TSPAN8: variants seen among roughly 807,000 people sequenced by gnomAD.
TSPAN8 encodes the protein tetraspanin 8.
A neutral mutation model predicts 32.8 loss-of-function variants in TSPAN8; 21 were observed. That is an observed-to-expected ratio of 0.64 (90% CI 0.45 to 0.92). The LOEUF (loss-of-function observed/expected upper bound fraction) is 0.92. Ranked by LOEUF, TSPAN8 falls within the 40% of genes least tolerant of loss-of-function variation. The pLI is 0.00. For synonymous variants in TSPAN8, 95 were observed against 94.6 expected (o/e 1.00, Z -0.03); for missense variants, 269 against 281.9 (o/e 0.95, Z 0.33).
intron 3 of TSPAN8, 31 bp downstream of exon 3, chr12:71,144,120 G>C: frequency 6.3e-7 from 1 of 1,589,768 alleles, no homozygotes. Context: ...AACTACATTG[G>C]GGAAAGGGTG....
Position 71,138,102 on chromosome 12 carries a change from T to G in TSPAN8, c.337-42A>C, listed in dbSNP as rs115705069. 2,110 of 1,611,136 alleles carry G rather than the reference T, an allele frequency of 1.3e-3. 22 individuals carry two copies. In the African/African-American group the frequency reaches 0.022, roughly 17 times the overall value. On this transcript the variant is annotated intron_variant, in intron 5 of 8. Transcript: ENST00000247829. ...ATTTTACATTATTCACGCCACAAGG[T>G]AGTATTTCAATTTTTCAAACTTCTT...
At chr12:71,128,904 T>C (rs1055688487) in intron 8 of TSPAN8, among the ~76,000 whole-genome samples, 1 of 152,150 alleles carries the variant, frequency 6.6e-6, no homozygotes, top group Non-Finnish European at 1.5e-5. Context: ...TTGAGTTCAG[T>C]TTTTATTTTC....
intron 2 of TSPAN8, among the ~76,000 whole-genome samples, 165 bp from the exon 3 acceptor site, chr12:71,144,378 G>A (rs755965066): frequency 3.3e-5 from 5 of 152,152 alleles, no homozygotes; most frequent in African/African-American, 1.2e-4. Flanking sequence ...TTGTTGAAAT[G>A]TTAAATTGCA....
chr12:71,135,646 A>G (rs1028934153), intron 6 of TSPAN8, among the ~76,000 whole-genome samples: 2 of 152,196 alleles, frequency 1.3e-5, no homozygotes, highest in African/African-American at 4.8e-5. Flanking sequence ...TCTTTACAAG[A>G]GCAAGAGCAC....
chr12:71,155,800 C>T (rs1416093144), intron 2 of TSPAN8, among the ~76,000 whole-genome samples: 9 of 151,594 alleles, frequency 5.9e-5, no homozygotes, highest in East Asian at 1.9e-4. Context: ...GGTGCGAGCT[C>T]GGCTCACTGC....
rs756902822 is a variant in TSPAN8, at chr12:71,139,840, A to T, written c.132T>A (p.Gly44=). ...AGGAGCTAGAGCCTACATCTTCAGAACCAAAAATCTGAAGTAAAAAAGAGA... is the reference window on the plus strand; with the variant it reads ...AGGAGCTAGAGCCTACATCTTCAGATCCAAAAATCTGAAGTAAAAAAGAGA... ...RVSNDSQAIF[G]SEDVGSSSYV... The change falls in exon 4 of 9, where the codon GGT becomes GGA. Residue 44 remains glycine (G), a synonymous_variant. Coordinates refer to ENST00000247829, the MANE Select transcript of TSPAN8 (RefSeq NM_004616.3). The T allele has an allele frequency of 6.2e-7, 1 of 1,603,890 alleles. No individual in the cohort carries two copies. Among genetic ancestry groups the T allele is most frequent in the Admixed American group, 1.7e-5 (1 of 57,248 alleles).
At chr12:71,149,229 G>A (rs972733275) in intron 2 of TSPAN8, among the ~76,000 whole-genome samples, 1 of 152,048 alleles carries the variant, frequency 6.6e-6, no homozygotes, top group South Asian at 2.1e-4. Context: ...TTAGCCGAGT[G>A]TGGTGGCACG....
intron 4 of TSPAN8, among the ~76,000 whole-genome samples, chr12:71,139,455 A>G (rs1319810602): frequency 6.6e-6 from 1 of 152,254 alleles, no homozygotes; most frequent in Non-Finnish European, 1.5e-5. Context: ...ACATAGAGGT[A>G]TGGCAGTAAT....
intron 7 of TSPAN8, among the ~76,000 whole-genome samples, chr12:71,131,867 A>G (rs1378223195): frequency 6.6e-6 from 1 of 151,818 alleles, no homozygotes; most frequent in Non-Finnish European, 1.5e-5. Flanking sequence ...TCTATCCAAG[A>G]GATACTAGTA....
At chr12:71,139,872 G>A in intron 3 of TSPAN8, 24 bp from the exon 4 acceptor site, 2 of 1,567,850 alleles carry the variant, frequency 1.3e-6, no homozygotes, top group South Asian at 1.1e-5. Context: ...GAGATTAATG[G>A]CAGAAAATTT....
intron 8 of TSPAN8, among the ~76,000 whole-genome samples, chr12:71,126,588 A>G (rs905549968): frequency 6.6e-6 from 1 of 152,168 alleles, no homozygotes; most frequent in Non-Finnish European, 1.5e-5. Context: ...CACATAATTA[A>G]AAGAGATTTG....
chr12:71,125,406 G>A lies in TSPAN8; in HGVS notation c.661-19C>T. On this transcript the variant is annotated intron_variant, in intron 8 of 8. Transcript: ENST00000247829. ...CCAGTATCTAGAGAACAAAATAACA[G>A]GATTAACATGGAATTTAAGGGAAAA... 1 of 1,596,186 alleles carries A rather than the reference G, an allele frequency of 6.3e-7. No homozygotes were observed. Among genetic ancestry groups the A allele is most frequent in the Non-Finnish European group, 8.5e-7 (1 of 1,170,250 alleles).
At chr12:71,138,974 TA>T (rs565677138) in intron 4 of TSPAN8, among the ~76,000 whole-genome samples, 216 of 103,504 alleles carry the variant, frequency 2.1e-3, no homozygotes, top group Non-Finnish European at 3.9e-3. Flanking sequence ...GATTTTTTTC[TA>T]ATATTTTTAC....
chr12:71,150,261 G>T (rs1872209746), intron 2 of TSPAN8, among the ~76,000 whole-genome samples: 1 of 152,162 alleles, frequency 6.6e-6, no homozygotes, highest in African/African-American at 2.4e-5. Flanking sequence ...CAGTAATTCT[G>T]CTTTTGCCCT....
In TSPAN8 at chr12:71,132,737, G is replaced by A. The variant is rs1308771045; in HGVS notation, c.532C>T (p.Gln178Ter). 6.2e-7 allele frequency: 1 copy of A among 1,613,764 alleles called. No homozygotes were observed. Among genetic ancestry groups the A allele is most frequent in the Admixed American group, 1.7e-5 (1 of 60,002 alleles). ...CCATTATAGCTTTGGCATGGTCTCT[G>A]CTTATCTAGACAGGCACATAATTCA... Reference protein sequence around the residue: ...YPELCACLDKQRPCQSYNGKQ... With the variant: ...YPELCACLDK The change falls in exon 7 of 9, where the codon CAG becomes TAG. Residue 178 changes from glutamine (Q) to a stop codon, truncating the protein, a stop_gained. Coordinates refer to ENST00000247829, the MANE Select transcript of TSPAN8 (RefSeq NM_004616.3). LOFTEE classifies it high-confidence loss of function.
chr12:71,151,724 C>T (rs1872261481), intron 2 of TSPAN8, among the ~76,000 whole-genome samples: 1 of 152,226 alleles, frequency 6.6e-6, no homozygotes, highest in South Asian at 2.1e-4. Flanking sequence ...GAAGTTATAA[C>T]TCAAGGTAAT....
At chr12:71,154,269 C>A (rs182940919) in intron 2 of TSPAN8, among the ~76,000 whole-genome samples, 1 of 150,920 alleles carries the variant, frequency 6.6e-6, no homozygotes. Context: ...GAGATCATGC[C>A]GCTGTATTCC....
At chr12:71,130,200 G>A (rs531361326) in intron 7 of TSPAN8, among the ~76,000 whole-genome samples, 5 of 152,036 alleles carry the variant, frequency 3.3e-5, no homozygotes, top group Admixed American at 6.5e-5. Flanking sequence ...GCAATCCACC[G>A]GCCTCAGCCT....
At chr12:71,143,234 G>A in intron 3 of TSPAN8, among the ~76,000 whole-genome samples, 1 of 152,142 alleles carries the variant, frequency 6.6e-6, no homozygotes, top group Non-Finnish European at 1.5e-5. Flanking sequence ...TGGAGCCCCA[G>A]AATAGAAGAA....
Sources: allele counts gnomAD v4.1 joint callset (sites outside exome capture counted in the v4.1 genomes callset), GRCh38; gene constraint gnomAD v4.1.1; transcripts MANE v1.5; gene names NCBI Gene and HGNC (gene_info 2026-07-23, HGNC 2026-07-21).